The following PDSS1 variants were observed in gnomAD, a reference collection of about 807,000 sequenced individuals.
PDSS1 encodes the protein all trans-polyprenyl-diphosphate synthase PDSS1.
A neutral mutation model predicts 57.5 loss-of-function variants in PDSS1; 43 were observed. The ratio of observed to expected loss-of-function variants is 0.75; its 90% CI spans 0.59 to 0.96. PDSS1 has a LOEUF of 0.96. PDSS1 is among the 50% of genes least tolerant of loss of function. The pLI is 0.00. For missense variants in PDSS1, 438 were observed against 527.8 expected, an observed-to-expected ratio of 0.83 and a Z score of 1.67; for synonymous variants, 175 against 191.3, an observed-to-expected ratio of 0.91 and a Z score of 0.70.
At position 26,697,800 on chromosome 10, in the gene PDSS1, G is replaced by A; in HGVS notation, c.89G>A (p.Gly30Glu). ...GGGCCCGGCTCCCCCGGCCGTGCGG[G>A]ACCGTTGGGGCCGAGCGCCGCTGCC... Reference protein sequence around the residue: ...SPGPGSPGRAGPLGPSAAAEV... With the variant: ...SPGPGSPGRAEPLGPSAAAEV... Residue 30 changes from glycine to glutamate, a missense_variant, in exon 1 of 12, where the codon GGA (glycine) becomes GAA (glutamate). This residue lies in a region of PDSS1 where 154 missense variants were observed against 137.0 expected (regional missense o/e 1.12). Coordinates refer to ENST00000376215, the MANE Select transcript of PDSS1 (RefSeq NM_014317.5). 7.4e-7 allele frequency: 1 copy of A among 1,344,534 alleles called. No individual in the cohort carries two copies. The highest frequency in any genetic ancestry group is 9.6e-7 in the Non-Finnish European group (1 of 1,045,858). 83.3% of individuals were successfully genotyped at this position (1,344,534 alleles called of 1,614,324 possible). A position where few individuals can be genotyped will look rare whatever the true frequency, so the allele number is the denominator to read the frequency against.
At chr10:26,732,791 G>A (rs1836258035) in intron 8 of PDSS1, among the ~76,000 whole-genome samples, 1 of 152,162 alleles carries the variant, frequency 6.6e-6, no homozygotes, top group South Asian at 2.1e-4. Flanking sequence ...TTCATCATAT[G>A]TGCTCCACAC....
chr10:26,725,325 C>T (rs1021831164), intron 8 of PDSS1, among the ~76,000 whole-genome samples: 1 of 152,170 alleles, frequency 6.6e-6, no homozygotes, highest in Admixed American at 6.5e-5. Flanking sequence ...GTTAGTGTCT[C>T]TGTTTTGAAA....
chr10:26,720,169 G>A, intron 5 of PDSS1, 49 bp from the exon 6 acceptor site: 9 of 1,611,184 alleles, frequency 5.6e-6, no homozygotes, highest in East Asian at 2.2e-5. Context: ...TGATTGCTGA[G>A]AAGGTTCTAG....
At chr10:26,703,405 G>T (rs1427343903) in intron 2 of PDSS1, among the ~76,000 whole-genome samples, 1 of 151,976 alleles carries the variant, frequency 6.6e-6, no homozygotes, top group Non-Finnish European at 1.5e-5. Context: ...CAGCACTTGG[G>T]GAGGCTGTGG....
chr10:26,697,855 C>T lies in PDSS1; in HGVS notation c.129+15C>T. The T allele has an allele frequency of 7.6e-7, 1 of 1,307,860 alleles. No homozygotes were observed. The highest frequency in any genetic ancestry group is 9.8e-7 in the Non-Finnish European group (1 of 1,019,678). 81.0% of individuals were successfully genotyped at this position (1,307,860 alleles called of 1,614,324 possible). On this transcript the variant is annotated intron_variant, in intron 1 of 11. Coordinates refer to ENST00000376215, the MANE Select transcript of PDSS1 (RefSeq NM_014317.5). ...TCCGCGCGCAGGTGAGGTTGGGAGG[C>T]GCGCGCCCGGCGGGGCTCAGAGGTC...
chr10:26,709,900 C>A (rs1056207744), intron 5 of PDSS1, 132 bp downstream of exon 5: 1 of 965,218 alleles, frequency 1.0e-6, no homozygotes, highest in Non-Finnish European at 1.6e-6. Flanking sequence ...TGCCTATAAT[C>A]CCAGCATTCT....
chr10:26,729,331 A>C (rs990424987), intron 8 of PDSS1, among the ~76,000 whole-genome samples: 5 of 152,176 alleles, frequency 3.3e-5, no homozygotes, highest in African/African-American at 1.2e-4. Context: ...GACCCACTCA[A>C]TGGACAGAGC....
chr10:26,733,757 CG>C (rs1354455672), intron 8 of PDSS1, among the ~76,000 whole-genome samples: 1 of 151,978 alleles, frequency 6.6e-6, no homozygotes, highest in Non-Finnish European at 1.5e-5. Context: ...GGGAGGATCA[CG>C]AGCCCAGGAG....
rs546205997 is a variant in PDSS1 at position 26,709,319 on chromosome 10, G to C, written c.337-319G>C. 1.3e-3 allele frequency among the ~76,000 whole-genome samples: 192 copies of C among 152,338 alleles called. 1 individual carries two copies. Among genetic ancestry groups the C allele is most frequent in the African/African-American group, 4.3e-3 (180 of 41,584 alleles). ...TCACGCCTGTAATCCCAACACTTTG[G>C]GAGGCCGAGGCGGGTGGATCACCTG... On this transcript the variant is annotated intron_variant, in intron 4 of 11. Transcript: ENST00000376215.
chr10:26,716,327 C>A (rs540904065), intron 5 of PDSS1, among the ~76,000 whole-genome samples: 18 of 152,166 alleles, frequency 1.2e-4, no homozygotes, highest in Non-Finnish European at 2.5e-4. Context: ...ATGTAAACCT[C>A]GTAAAGGATT....
At chr10:26,713,501 CGGGAGTTGT>C (rs567256430) in intron 5 of PDSS1, among the ~76,000 whole-genome samples, 344 of 151,788 alleles carry the variant, frequency 2.3e-3, no homozygotes, top group African/African-American at 7.8e-3. Context: ...TTGAGGTTCA[CGGGAGTTGT>C]GGGATGTCTG....
At chr10:26,735,081 G>C (rs746979504) in intron 8 of PDSS1, among the ~76,000 whole-genome samples, 159 bp from the exon 9 acceptor site, 1 of 152,114 alleles carries the variant, frequency 6.6e-6, no homozygotes. Context: ...CTGGAAATGC[G>C]GTTTTGTACA....
intron 10 of PDSS1, chr10:26,740,956 T>A (rs1836578011): frequency 4.2e-6 from 1 of 237,694 alleles, no homozygotes; most frequent in African/African-American, 2.2e-5. Context: ...GTTCCTTTTT[T>A]ACCTATTTTT....
chr10:26,721,315 GTT>G (rs1564425894), intron 6 of PDSS1, among the ~76,000 whole-genome samples: 1 of 144,510 alleles, frequency 6.9e-6, no homozygotes, highest in Non-Finnish European at 1.5e-5. Context: ...AAAAAAAAAA[GTT>G]TGTGCAAACA....
chr10:26,722,898 C>CT (rs751637147), intron 6 of PDSS1, among the ~76,000 whole-genome samples: 23,242 of 143,400 alleles, frequency 0.16, 1,939 homozygotes, highest in Admixed American at 0.2. Flanking sequence ...AATGGAAAAA[C>CT]TTTTTTTTTT....
At chr10:26,718,340 C>A (rs1257284688) in intron 5 of PDSS1, among the ~76,000 whole-genome samples, 1 of 152,028 alleles carries the variant, frequency 6.6e-6, no homozygotes, top group Non-Finnish European at 1.5e-5. Context: ...TGTAACTGTG[C>A]CTAGACTACA....
chr10:26,741,770 A>C (rs190459610), intron 10 of PDSS1, among the ~76,000 whole-genome samples: 64 of 152,330 alleles, frequency 4.2e-4, no homozygotes, highest in Non-Finnish European at 6.5e-4. Context: ...GGCATCTGTT[A>C]GAAATGCATG....
At chr10:26,701,840 G>A (rs560743495) in intron 1 of PDSS1, 36 of 454,508 alleles carry the variant, frequency 7.9e-5, no homozygotes, top group South Asian at 2.3e-4. Context: ...AGCTTCCACC[G>A]TGCACCTGGA....
intron 5 of PDSS1, among the ~76,000 whole-genome samples, chr10:26,718,298 C>G (rs758027443): frequency 2.4e-4 from 37 of 152,090 alleles, no homozygotes; most frequent in Non-Finnish European, 5.1e-4. Context: ...CCGCCTCAGC[C>G]TTCCAGAGTG....
Sources: allele counts gnomAD v4.1 joint callset (sites outside exome capture counted in the v4.1 genomes callset), GRCh38; gene constraint gnomAD v4.1.1; regional missense constraint gnomAD v4.1.1; transcripts MANE v1.5; gene names NCBI Gene and HGNC (gene_info 2026-07-23, HGNC 2026-07-21).